The following CNTNAP5 variants were observed in gnomAD, a reference collection of about 807,000 sequenced individuals.
The protein encoded by CNTNAP5 is contactin-associated protein-like 5.
A neutral mutation model predicts 150.2 loss-of-function variants in CNTNAP5; 72 were observed. The ratio of observed to expected loss-of-function variants is 0.48; its 90% CI spans 0.40 to 0.58. The LOEUF (loss-of-function observed/expected upper bound fraction) is 0.58. Ranked by LOEUF, CNTNAP5 falls within the 20% of genes least tolerant of loss-of-function variation. CNTNAP5 has a pLI of 0.00. For missense variants in CNTNAP5, 1,636 were observed against 1,626.2 expected (o/e 1.01, Z -0.10); for synonymous variants, 672 against 619.8 (o/e 1.08, Z -1.25).
In CNTNAP5 at chr2:124,166,893, T is replaced by C. The variant is rs1449716912; in HGVS notation, c.83-54812T>C. On this transcript the variant is annotated intron_variant, in intron 1 of 23. Coordinates refer to ENST00000682447, the MANE Select transcript of CNTNAP5 (RefSeq NM_001367498.1). ...CTTCCTCAAATCCATCTCCAAGCCT[T>C]CCCCCAAGATGGAGCCCACAGGATT... is the stretch of plus-strand genomic sequence containing the variant. 1.3e-5 allele frequency among the ~76,000 whole-genome samples: 2 copies of C among 151,982 alleles called. 1 individual carries two copies. The highest frequency in any genetic ancestry group is 2.9e-5 in the Non-Finnish European group (2 of 67,988).
intron 4 of CNTNAP5, among the ~76,000 whole-genome samples, chr2:124,423,107 T>G (rs1315776830): frequency 6.6e-6 from 1 of 152,182 alleles, no homozygotes; most frequent in Non-Finnish European, 1.5e-5. Context: ...ACATAGAAAC[T>G]TGACTTCACC....
intron 17 of CNTNAP5, 54 bp downstream of exon 17, chr2:124,773,071 G>T: frequency 7.1e-7 from 1 of 1,406,352 alleles, no homozygotes; most frequent in South Asian, 1.2e-5. Flanking sequence ...ATCACTGTGT[G>T]ACCATGCCCA....
intron 13 of CNTNAP5, among the ~76,000 whole-genome samples, chr2:124,739,580 G>A (rs909548839): frequency 2.6e-5 from 4 of 152,016 alleles, no homozygotes; most frequent in South Asian, 2.1e-4. Flanking sequence ...AGCCCCCAGC[G>A]CTTAACTGCA....
At chr2:124,830,600 G>T (rs943964253) in intron 19 of CNTNAP5, among the ~76,000 whole-genome samples, 5 of 152,032 alleles carry the variant, frequency 3.3e-5, no homozygotes, top group African/African-American at 1.2e-4. Context: ...TGAGCAGAGG[G>T]AATACATGGC....
intron 14 of CNTNAP5, among the ~76,000 whole-genome samples, chr2:124,755,946 G>A (rs940867913): frequency 7.9e-5 from 12 of 152,100 alleles, no homozygotes; most frequent in South Asian, 2.1e-4. Flanking sequence ...GTCATTTAGC[G>A]TCTCTGAGCT....
chr2:124,789,483 T>C (rs1681670758), intron 17 of CNTNAP5, among the ~76,000 whole-genome samples: 1 of 152,174 alleles, frequency 6.6e-6, no homozygotes, highest in Non-Finnish European at 1.5e-5. Flanking sequence ...ATTTGTCGTA[T>C]AGATTATTTT....
intron 4 of CNTNAP5, among the ~76,000 whole-genome samples, chr2:124,429,015 C>A: frequency 6.6e-6 from 1 of 152,120 alleles, no homozygotes; most frequent in East Asian, 1.9e-4. Context: ...TTGTACAACA[C>A]AAATAAAGAT....
At chr2:124,819,843 T>C (rs887215168) in intron 19 of CNTNAP5, among the ~76,000 whole-genome samples, 3 of 152,174 alleles carry the variant, frequency 2.0e-5, no homozygotes, top group Non-Finnish European at 2.9e-5. Flanking sequence ...CCCTCAGGCT[T>C]TCCCATCAGC....
rs113142476 is a variant in CNTNAP5 at position 124,222,882 on chromosome 2, T to C, written c.187+1073T>C. ...TCATTTCACCAGTTTTCTATTAAAA[T>C]GGGATTCATAATTTAAAAGTTAGCA... On this transcript the variant is annotated intron_variant, in intron 2 of 23. Coordinates refer to ENST00000682447, the MANE Select transcript of CNTNAP5 (RefSeq NM_001367498.1). Among the ~76,000 whole-genome samples, 1,009 of 152,224 alleles carry C rather than the reference T, an allele frequency of 6.6e-3. 7 individuals carry two copies. The highest frequency in any genetic ancestry group is 0.01 in the Admixed American group (156 of 15,256).
intron 1 of CNTNAP5, among the ~76,000 whole-genome samples, chr2:124,149,403 CAAAAAAAAAAA>C (rs71394025): frequency 3.6e-5 from 3 of 82,808 alleles, no homozygotes; most frequent in African/African-American, 1.0e-4. Context: ...GCGTCAATTG[CAAAAAAAAAAA>C]AAAAAAAAAA....
chr2:124,468,052 T>A (rs1040671312), intron 6 of CNTNAP5, among the ~76,000 whole-genome samples: 1 of 152,152 alleles, frequency 6.6e-6, no homozygotes. Flanking sequence ...GTCATGCCAT[T>A]CACGAGTCCC....
At chr2:124,161,224 A>G (rs771986137) in intron 1 of CNTNAP5, among the ~76,000 whole-genome samples, 1 of 152,170 alleles carries the variant, frequency 6.6e-6, no homozygotes, top group Non-Finnish European at 1.5e-5. Context: ...GGTGAGATAG[A>G]TGAAAGTATG....
At chr2:124,176,464 T>C (rs1021304345) in intron 1 of CNTNAP5, among the ~76,000 whole-genome samples, 2 of 152,180 alleles carry the variant, frequency 1.3e-5, no homozygotes, top group African/African-American at 4.8e-5. Context: ...ATTTCCCCAT[T>C]GCCTCTGAAA....
At chr2:124,384,416 TA>T (rs1299479897) in intron 3 of CNTNAP5, among the ~76,000 whole-genome samples, 2 of 152,308 alleles carry the variant, frequency 1.3e-5, no homozygotes, top group African/African-American at 4.8e-5. Context: ...AGAGGTTTTT[TA>T]AAAAAGCTCC....
chr2:124,281,252 C>T (rs1016453486), intron 3 of CNTNAP5, among the ~76,000 whole-genome samples: 1 of 152,078 alleles, frequency 6.6e-6, no homozygotes, highest in Non-Finnish European at 1.5e-5. Flanking sequence ...TTTACACCCC[C>T]TTCTCCTGCC....
intron 7 of CNTNAP5, among the ~76,000 whole-genome samples, chr2:124,490,738 T>A (rs953421317): frequency 1.3e-5 from 2 of 152,074 alleles, no homozygotes; most frequent in African/African-American, 2.4e-5. Flanking sequence ...AGACTTCATA[T>A]AAAAGTAAAA....
chr2:124,143,712 T>C (rs1380396366), intron 1 of CNTNAP5, among the ~76,000 whole-genome samples: 1 of 134,464 alleles, frequency 7.4e-6, no homozygotes, highest in Non-Finnish European at 1.6e-5. Context: ...ACTGGAAGCA[T>C]TCCCTTTGAA....
chr2:124,434,175 C>T (rs759639370), intron 4 of CNTNAP5, among the ~76,000 whole-genome samples: 3 of 152,170 alleles, frequency 2.0e-5, no homozygotes, highest in Non-Finnish European at 4.4e-5. Context: ...CATAGTAAGC[C>T]AGACATAGGT....
intron 3 of CNTNAP5, among the ~76,000 whole-genome samples, chr2:124,244,444 A>T (rs1032644156): frequency 1.3e-5 from 2 of 152,094 alleles, no homozygotes; most frequent in Non-Finnish European, 2.9e-5. Context: ...TTGCATCCCA[A>T]ACAGCCTTGA....
Sources: allele counts gnomAD v4.1 joint callset (sites outside exome capture counted in the v4.1 genomes callset), GRCh38; gene constraint gnomAD v4.1.1; transcripts MANE v1.5; gene names NCBI Gene and HGNC (gene_info 2026-07-23, HGNC 2026-07-21).